The following ZNF536 variants were observed in gnomAD, a reference collection of about 807,000 sequenced individuals.
ZNF536 encodes the protein zinc finger protein 536.
ZNF536 carries 13 observed loss-of-function variants against 84.5 expected under a neutral mutation model. The ratio of observed to expected loss-of-function variants is 0.15; its 90% CI spans 0.10 to 0.24. The LOEUF is 0.24. ZNF536 is among the 10% of genes least tolerant of loss of function. The pLI, the probability that ZNF536 is intolerant of heterozygous loss-of-function variation, is 1.00. For synonymous variants in ZNF536, 811 were observed against 742.5 expected, an observed-to-expected ratio of 1.09 and a Z score of -1.50; for missense variants, 1,536 against 1,747.5, an observed-to-expected ratio of 0.88 and a Z score of 2.16.
chr19:30,346,129 C>T (rs2047734311), intron 2 of ZNF536, among the ~76,000 whole-genome samples: 2 of 152,220 alleles, frequency 1.3e-5, no homozygotes, highest in South Asian at 4.2e-4. Context: ...AACTGGCTTC[C>T]AAGGGACCCC....
intron 1 of ZNF536, among the ~76,000 whole-genome samples, chr19:30,578,007 G>C (rs2046797897): frequency 6.6e-6 from 1 of 152,150 alleles, no homozygotes; most frequent in Non-Finnish European, 1.5e-5. Flanking sequence ...GTTTTGAAAG[G>C]TACAGGGATG....
At chr19:30,262,903 A>G (rs1244123256) in intron 1 of ZNF536, among the ~76,000 whole-genome samples, 1 of 152,230 alleles carries the variant, frequency 6.6e-6, no homozygotes, top group Non-Finnish European at 1.5e-5. Flanking sequence ...TGGAATTTGC[A>G]ACATGAATGG....
chr19:30,324,940 C>A lies in ZNF536; in HGVS notation c.-119-27428C>A, dbSNP rs74352095. On this transcript the variant is annotated intron_variant, in intron 2 of 5. Transcript: ENST00000585628. The stretch of plus-strand genomic sequence containing the variant: ...ACAGTCCTGTGTGACACCTTCTAAA[C>A]CGTTTGTTGTACCTAGGGAAAGGAG... 7.9e-3 allele frequency among the ~76,000 whole-genome samples: 1,204 copies of A among 152,318 alleles called. 9 individuals are homozygous for A. Among genetic ancestry groups the A allele is most frequent in the Non-Finnish European group, 0.013 (903 of 68,034 alleles).
intron 4 of ZNF536, among the ~76,000 whole-genome samples, chr19:30,553,173 A>G (rs1048647808): frequency 6.6e-6 from 1 of 152,236 alleles, no homozygotes; most frequent in Admixed American, 6.5e-5. Flanking sequence ...GATAGACTCC[A>G]CATGAGTATT....
rs993060383 is a variant in ZNF536, at chr19:30,612,706, G to T, written c.169+63192G>T. Among the ~76,000 whole-genome samples the T allele has an allele frequency of 2.6e-5, 4 of 152,140 alleles. No homozygotes were observed. The East Asian group carries it at 5.8e-4, about 22-fold the overall frequency. The stretch of plus-strand genomic sequence containing the variant: ...CAGATTTTCTAAAAGAGTTTAAAAA[G>T]ATAGTATGAGGAGTTACCTCATCCC... On this transcript the variant is annotated intron_variant, in intron 1 of 1. Transcript: ENST00000592773.
intron 1 of ZNF536, among the ~76,000 whole-genome samples, chr19:30,422,184 C>T (rs181184369): frequency 5.3e-5 from 8 of 152,086 alleles, no homozygotes; most frequent in African/African-American, 1.7e-4. Flanking sequence ...TTCTGAAACA[C>T]GTGAGGTGAC....
chr19:30,631,921 C>T (rs187056210), intron 1 of ZNF536, among the ~76,000 whole-genome samples: 5 of 152,296 alleles, frequency 3.3e-5, no homozygotes, highest in East Asian at 1.9e-4. Context: ...CTGAGAGCTG[C>T]GGACTCACTG....
At chr19:30,350,720 A>G (rs1268038653) in intron 2 of ZNF536, among the ~76,000 whole-genome samples, 2 of 152,182 alleles carry the variant, frequency 1.3e-5, no homozygotes, top group African/African-American at 2.4e-5. Flanking sequence ...TTAAGTGTTA[A>G]TTTTTATGCT....
intron 1 of ZNF536, among the ~76,000 whole-genome samples, chr19:30,582,129 A>T (rs1027287303): frequency 2.0e-5 from 3 of 152,094 alleles, no homozygotes; most frequent in Non-Finnish European, 1.5e-5. Flanking sequence ...ACTCACTTTC[A>T]GCTCTGGAAG....
At chr19:30,298,223 T>G (rs1284212544) in intron 2 of ZNF536, among the ~76,000 whole-genome samples, 2 of 152,150 alleles carry the variant, frequency 1.3e-5, no homozygotes, top group Non-Finnish European at 2.9e-5. Flanking sequence ...TACAGTACCC[T>G]CTTCCCTTTA....
chr19:30,562,103 A>G (rs1568556865), downstream of ZNF536, among the ~76,000 whole-genome samples: 1 of 152,162 alleles, frequency 6.6e-6, no homozygotes, highest in Non-Finnish European at 1.5e-5. Context: ...TAGATAACTC[A>G]CGTGTCCTCT....
At chr19:30,620,249 T>C (rs1008195496) in intron 1 of ZNF536, among the ~76,000 whole-genome samples, 4 of 152,150 alleles carry the variant, frequency 2.6e-5, no homozygotes, top group Non-Finnish European at 5.9e-5. Flanking sequence ...AAGGGAAAGC[T>C]GGGCCGGTGT....
chr19:30,468,223 C>T (rs1289826038), intron 2 of ZNF536, among the ~76,000 whole-genome samples: 1 of 152,242 alleles, frequency 6.6e-6, no homozygotes, highest in Non-Finnish European at 1.5e-5. Context: ...CTGTCTCACT[C>T]CCCAACCCAG....
At chr19:30,575,153 CAGCA>C (rs2046685618) in intron 1 of ZNF536, among the ~76,000 whole-genome samples, 2 of 152,302 alleles carry the variant, frequency 1.3e-5, no homozygotes, top group East Asian at 3.9e-4. Context: ...TTCATTCATT[CAGCA>C]AGCAAGCATT....
intron 1 of ZNF536, among the ~76,000 whole-genome samples, chr19:30,602,671 C>T (rs754659414): frequency 1.3e-5 from 2 of 152,110 alleles, no homozygotes; most frequent in African/African-American, 4.8e-5. Flanking sequence ...CTACCGATTC[C>T]GAGAAGTTCC....
In ZNF536 at chr19:30,463,196, G is replaced by C. The variant is rs553056327; in HGVS notation, c.2170+17464G>C. Among the ~76,000 whole-genome samples, 5 of 152,252 alleles carry C rather than the reference G, an allele frequency of 3.3e-5. No homozygotes were observed. The South Asian group carries it at 1.0e-3, about 32-fold the overall frequency. ...TGATGGCTTATTATTACATAGGGTG[G>C]ATTTGACCTCCCCCAAGGACTATGA... On this transcript the variant is annotated intron_variant, in intron 2 of 4. Coordinates refer to ENST00000355537, the MANE Select transcript of ZNF536 (RefSeq NM_014717.3).
chr19:30,605,159 C>T (rs138322371), intron 1 of ZNF536, among the ~76,000 whole-genome samples: 22 of 152,194 alleles, frequency 1.4e-4, no homozygotes, highest in Non-Finnish European at 2.4e-4. Context: ...GTGGATGGTG[C>T]GAAATGCTTT....
chr19:30,505,379 A>G (rs1034455348), intron 2 of ZNF536, among the ~76,000 whole-genome samples: 4 of 147,732 alleles, frequency 2.7e-5, no homozygotes, highest in Admixed American at 6.8e-5. Context: ...ATGAATGTAT[A>G]CTATATATAT....
At chr19:30,449,895 G>A (rs181320174) in intron 2 of ZNF536, among the ~76,000 whole-genome samples, 1 of 152,088 alleles carries the variant, frequency 6.6e-6, no homozygotes, top group African/African-American at 2.4e-5. Context: ...TTTACATGGG[G>A]TGTATAGTGA....
Sources: allele counts gnomAD v4.1 joint callset (sites outside exome capture counted in the v4.1 genomes callset), GRCh38; gene constraint gnomAD v4.1.1; transcripts MANE v1.5; gene names NCBI Gene and HGNC (gene_info 2026-07-23, HGNC 2026-07-21).